Variants in CTNNA3 observed in about 807,000 individuals in gnomAD.
CTNNA3 encodes the protein catenin alpha 3, also known as catenin alpha-3.
CTNNA3 carries 76 observed loss-of-function variants against 95.7 expected under a neutral mutation model. The observed-to-expected ratio is 0.79, with a 90% CI of 0.66 to 0.96. The LOEUF (loss-of-function observed/expected upper bound fraction) is 0.96, where lower values mean the gene tolerates loss of function less well. Ranked by LOEUF, CTNNA3 falls within the 40% of genes least tolerant of loss-of-function variation. The pLI, the probability that CTNNA3 is intolerant of heterozygous loss-of-function variation, is 0.00. For missense variants in CTNNA3, 1,191 were observed against 1,089.8 expected (o/e 1.09, Z -1.31); for synonymous variants, 431 against 374.4 (o/e 1.15, Z -1.74).
At chr10:66,638,746 C>A (rs1845418821) in intron 9 of CTNNA3, among the ~76,000 whole-genome samples, 1 of 151,856 alleles carries the variant, frequency 6.6e-6, no homozygotes, top group African/African-American at 2.4e-5. Flanking sequence ...AGTTGACCTA[C>A]CTTTGTTGAT....
intron 11 of CTNNA3, among the ~76,000 whole-genome samples, chr10:66,471,646 A>G (rs961527366): frequency 2.0e-5 from 3 of 151,812 alleles, no homozygotes; most frequent in African/African-American, 4.8e-5. Context: ...ATTTATTATA[A>G]TTTAATTAAC....
intron 9 of CTNNA3, among the ~76,000 whole-genome samples, chr10:66,651,531 G>T (rs1163070156): frequency 6.6e-6 from 1 of 152,078 alleles, no homozygotes; most frequent in African/African-American, 2.4e-5. Context: ...CCATCGGGGA[G>T]GCTCGGGCCT....
chr10:66,475,298 C>A (rs1286710474), intron 11 of CTNNA3, among the ~76,000 whole-genome samples: 1 of 151,844 alleles, frequency 6.6e-6, no homozygotes, highest in African/African-American at 2.4e-5. Context: ...TTTAGGACCC[C>A]AAAAATATAA....
At chr10:66,253,940 T>A (rs2090659029) in intron 13 of CTNNA3, among the ~76,000 whole-genome samples, 2 of 152,304 alleles carry the variant, frequency 1.3e-5, no homozygotes, top group Middle Eastern at 3.4e-3. Flanking sequence ...AGATGACAAA[T>A]TATCACTCAA....
intron 12 of CTNNA3, among the ~76,000 whole-genome samples, chr10:66,287,905 G>A (rs1293441207): frequency 1.3e-5 from 2 of 152,170 alleles, no homozygotes; most frequent in Admixed American, 6.6e-5. Flanking sequence ...AGTTGGAAAA[G>A]CAGTATAAGG....
rs55883905 is a variant in CTNNA3 at position 67,495,732 on chromosome 10, C to T, written c.579+26110G>A. Among the ~76,000 whole-genome samples the T allele has an allele frequency of 2.4e-3, 359 of 152,182 alleles. 1 individual carries two copies. Among genetic ancestry groups the T allele is most frequent in the African/African-American group, 8.3e-3 (345 of 41,474 alleles). ...ATCAAGAATTTGCCATTTTTTATTACTTAGGCCTGATTTGAAACTTACATC... is the reference window on the plus strand; with the variant it reads ...ATCAAGAATTTGCCATTTTTTATTATTTAGGCCTGATTTGAAACTTACATC... On this transcript the variant is annotated intron_variant, in intron 5 of 17. Transcript: ENST00000433211.
At chr10:66,377,305 G>A (rs1422176691) in intron 12 of CTNNA3, among the ~76,000 whole-genome samples, 1 of 151,908 alleles carries the variant, frequency 6.6e-6, no homozygotes, top group Non-Finnish European at 1.5e-5. Flanking sequence ...AATTTATCTA[G>A]AGAATTTTAA....
intron 13 of CTNNA3, among the ~76,000 whole-genome samples, chr10:66,121,562 A>T (rs116748147): frequency 6.6e-6 from 1 of 152,136 alleles, no homozygotes; most frequent in African/African-American, 2.4e-5. Context: ...GTGGGAAAAA[A>T]GTTGTAGCCA....
intron 16 of CTNNA3, among the ~76,000 whole-genome samples, chr10:65,987,158 C>A (rs943690632): frequency 6.6e-6 from 1 of 151,830 alleles, no homozygotes; most frequent in Non-Finnish European, 1.5e-5. Context: ...GCTAACACCT[C>A]AAAAGCACAG....
At chr10:65,939,407 A>T (rs1314683999) in intron 17 of CTNNA3, among the ~76,000 whole-genome samples, 1 of 152,204 alleles carries the variant, frequency 6.6e-6, no homozygotes, top group Non-Finnish European at 1.5e-5. Context: ...TAGGTCCTCC[A>T]CAGACCCTTT....
intron 15 of CTNNA3, among the ~76,000 whole-genome samples, chr10:66,020,965 A>T (rs74143652): frequency 1.2e-3 from 190 of 152,208 alleles, no homozygotes; most frequent in African/African-American, 4.3e-3. Context: ...GAGCCACTGC[A>T]TCCGGCCGAT....
intron 3 of CTNNA3, among the ~76,000 whole-genome samples, chr10:67,603,902 A>C (rs1843167861): frequency 6.6e-6 from 1 of 152,186 alleles, no homozygotes; most frequent in Admixed American, 6.5e-5. Context: ...TCCCTGACTC[A>C]CTGAGAGCAA....
chr10:66,411,984 G>A (rs995477470), intron 11 of CTNNA3, among the ~76,000 whole-genome samples: 18 of 152,252 alleles, frequency 1.2e-4, no homozygotes, highest in Non-Finnish European at 1.8e-4. Flanking sequence ...CCCCATCTCC[G>A]TCAGTCGCTG....
chr10:67,649,966 A>G (rs537472783), intron 1 of CTNNA3, among the ~76,000 whole-genome samples: 1 of 152,090 alleles, frequency 6.6e-6, no homozygotes, highest in Non-Finnish European at 1.5e-5. Flanking sequence ...CAGCCTCCCA[A>G]GTAGCTGGGA....
intron 3 of CTNNA3, among the ~76,000 whole-genome samples, chr10:67,549,826 T>G (rs1446206135): frequency 6.6e-6 from 1 of 152,238 alleles, no homozygotes; most frequent in Non-Finnish European, 1.5e-5. Flanking sequence ...TGTTTATTGC[T>G]TACATATTTC....
chr10:67,602,127 A>T (rs1239382235), intron 3 of CTNNA3, among the ~76,000 whole-genome samples: 1 of 152,114 alleles, frequency 6.6e-6, no homozygotes, highest in Non-Finnish European at 1.5e-5. Flanking sequence ...CACTTTTCCA[A>T]ATACTTTAAC....
At chr10:67,221,988 A>G (rs940029388) in intron 5 of CTNNA3, among the ~76,000 whole-genome samples, 2 of 152,192 alleles carry the variant, frequency 1.3e-5, no homozygotes, top group Non-Finnish European at 2.9e-5. Flanking sequence ...TTTTAACTAA[A>G]CAGGTGTTTG....
intron 1 of CTNNA3, among the ~76,000 whole-genome samples, chr10:67,701,519 C>G (rs569847514): frequency 1.6e-4 from 24 of 152,262 alleles, no homozygotes; most frequent in Non-Finnish European, 4.4e-5. Context: ...CATATCCAGC[C>G]AAACTAAGCT....
chr10:67,684,326 T>C (rs191340508), intron 1 of CTNNA3, among the ~76,000 whole-genome samples: 201 of 152,320 alleles, frequency 1.3e-3, no homozygotes, highest in Admixed American at 2.1e-3. Flanking sequence ...AGAGTGCTGA[T>C]TGGTGCATTT....
Sources: allele counts gnomAD v4.1 joint callset (sites outside exome capture counted in the v4.1 genomes callset), GRCh38; gene constraint gnomAD v4.1.1; transcripts MANE v1.5; gene names NCBI Gene and HGNC (gene_info 2026-07-23, HGNC 2026-07-21).